LYPD6B: variants seen among roughly 807,000 people sequenced by gnomAD.
LYPD6B encodes ly6/PLAUR domain-containing protein 6B.
A neutral mutation model predicts 22.8 loss-of-function variants in LYPD6B; 17 were observed. The observed-to-expected ratio is 0.75, with a 90% CI of 0.51 to 1.12. The LOEUF is 1.12. Among genes scored for constraint, LYPD6B ranks in the 50% most tolerant of loss-of-function variants. The probability of loss-of-function intolerance (pLI) is 0.00; values close to 1 mark genes in which losing one functional copy is unlikely to be tolerated. For missense variants in LYPD6B, 221 were observed against 258.3 expected, an observed-to-expected ratio of 0.86 and a Z score of 0.99; for synonymous variants, 106 against 91.6, an observed-to-expected ratio of 1.16 and a Z score of -0.90.
At chr2:149,144,925 C>A (rs1163254444) in intron 2 of LYPD6B, among the ~76,000 whole-genome samples, 3 of 152,146 alleles carry the variant, frequency 2.0e-5, no homozygotes, top group African/African-American at 7.2e-5. Flanking sequence ...GTGGTGTCAA[C>A]TGCTCTACTT....
intron 3 of LYPD6B, 33 bp downstream of exon 3, chr2:149,160,868 C>T: frequency 6.7e-7 from 1 of 1,485,050 alleles, no homozygotes; most frequent in Non-Finnish European, 9.2e-7. Flanking sequence ...CAGCCCTCGG[C>T]TTTTCATTTG....
chr2:149,141,337 A>G (rs1378380201), intron 2 of LYPD6B, among the ~76,000 whole-genome samples: 8 of 152,102 alleles, frequency 5.3e-5, no homozygotes, highest in Admixed American at 5.2e-4. Flanking sequence ...TACAGGGGGG[A>G]GAGAAATCAG....
chr2:149,064,117 C>T (rs1305848909), intron 1 of LYPD6B, among the ~76,000 whole-genome samples: 1 of 152,114 alleles, frequency 6.6e-6, no homozygotes, highest in East Asian at 1.9e-4. Flanking sequence ...GTTTTGTAAC[C>T]AGCTTTTCTG....
In LYPD6B at chr2:149,206,330, A is replaced by T. The variant is rs954822501; in HGVS notation, c.229+926A>T. 1.4e-4 allele frequency: 31 copies of T among 215,470 alleles called. 1 individual carries two copies. Among genetic ancestry groups the T allele is most frequent in the Non-Finnish European group, 5.7e-5 (6 of 104,624 alleles). The allele number at this position is 215,470 out of a possible 1,614,324, so 13.3% of individuals were successfully genotyped here. ...ACTCATAAATGAGATCTGTATCATT[A>T]CTGTTCTTTACTTTGTGCTTTATTA... On this transcript the variant is annotated intron_variant, in intron 4 of 6. Transcript: ENST00000409642.
chr2:149,157,265 A>G (rs1689765691), intron 2 of LYPD6B, among the ~76,000 whole-genome samples: 1 of 152,064 alleles, frequency 6.6e-6, no homozygotes, highest in African/African-American at 2.4e-5. Context: ...AAAAAGAACA[A>G]TCTTAACAGT....
chr2:149,137,686 G>A (rs560452471), intron 2 of LYPD6B, among the ~76,000 whole-genome samples: 3 of 152,120 alleles, frequency 2.0e-5, no homozygotes, highest in Admixed American at 6.5e-5. Context: ...TCAAATTTTT[G>A]TTAGTAGACA....
chr2:149,086,191 C>T (rs1316224459), intron 1 of LYPD6B, among the ~76,000 whole-genome samples: 2 of 152,228 alleles, frequency 1.3e-5, no homozygotes, highest in African/African-American at 4.8e-5. Context: ...AATGTGCATT[C>T]ATGCCAGTGT....
intron 1 of LYPD6B, among the ~76,000 whole-genome samples, chr2:149,097,549 C>T (rs78252408): frequency 0.044 from 6,654 of 152,240 alleles, 340 homozygotes; most frequent in African/African-American, 0.13. Flanking sequence ...GAGTCACCTC[C>T]GTTGGGGGCT....
chr2:149,170,947 T>C (rs577013043), intron 3 of LYPD6B, among the ~76,000 whole-genome samples: 12 of 152,196 alleles, frequency 7.9e-5, no homozygotes, highest in Non-Finnish European at 1.6e-4. Flanking sequence ...ATCTTCTTCA[T>C]CTTGAATCCT....
At chr2:149,209,822 A>T (rs531962133) in intron 5 of LYPD6B, among the ~76,000 whole-genome samples, 2 of 152,088 alleles carry the variant, frequency 1.3e-5, no homozygotes, top group East Asian at 3.9e-4. Context: ...GTTCTTTTAC[A>T]TTTCTGTCAA....
chr2:149,144,940 C>T (rs564034395), intron 2 of LYPD6B, among the ~76,000 whole-genome samples: 2 of 152,302 alleles, frequency 1.3e-5, no homozygotes, highest in Admixed American at 6.5e-5. Context: ...CTACTTGTTA[C>T]TGCCCATTGA....
chr2:149,181,487 C>A (rs1691716191), intron 3 of LYPD6B, among the ~76,000 whole-genome samples: 2 of 152,200 alleles, frequency 1.3e-5, no homozygotes, highest in African/African-American at 4.8e-5. Flanking sequence ...CCCCCAGCCA[C>A]TCTCTGCTGG....
chr2:149,086,313 G>A (rs1290184561), intron 1 of LYPD6B, among the ~76,000 whole-genome samples: 1 of 152,208 alleles, frequency 6.6e-6, no homozygotes, highest in East Asian at 1.9e-4. Context: ...AAGGCAAGGA[G>A]AAGAGTGGGC....
At chr2:149,199,049 C>T (rs1326399524) in intron 3 of LYPD6B, among the ~76,000 whole-genome samples, 1 of 152,186 alleles carries the variant, frequency 6.6e-6, no homozygotes, top group African/African-American at 2.4e-5. Context: ...TGAAGCTGAA[C>T]ATTTATGCCA....
At chr2:149,070,201 G>A (rs145306964) in intron 1 of LYPD6B, among the ~76,000 whole-genome samples, 13 of 152,008 alleles carry the variant, frequency 8.6e-5, no homozygotes, top group Middle Eastern at 3.4e-3. Flanking sequence ...TCCCTAACAC[G>A]CCAGCCATGC....
intron 3 of LYPD6B, among the ~76,000 whole-genome samples, chr2:149,198,912 G>A (rs1014750227): frequency 1.3e-5 from 2 of 152,114 alleles, no homozygotes; most frequent in African/African-American, 2.4e-5. Context: ...TATTAGAAGT[G>A]GAAGGGACCT....
chr2:149,065,583 C>T (rs1396936548), intron 1 of LYPD6B, among the ~76,000 whole-genome samples: 1 of 152,216 alleles, frequency 6.6e-6, no homozygotes, highest in African/African-American at 2.4e-5. Flanking sequence ...CTGCATCAAA[C>T]CTGGTTACTC....
chr2:149,041,115 A>AAAAAG (rs1683066008), intron 1 of LYPD6B, among the ~76,000 whole-genome samples: 1 of 148,418 alleles, frequency 6.7e-6, no homozygotes. Context: ...AAAAAAAAAA[A>AAAAAG]AAAGAAAATG....
chr2:149,048,613 A>G (rs1209993262), intron 1 of LYPD6B, among the ~76,000 whole-genome samples: 1 of 152,152 alleles, frequency 6.6e-6, no homozygotes, highest in East Asian at 1.9e-4. Flanking sequence ...GTGCCTCTCT[A>G]GATTTTGGGC....
Sources: gnomAD v4.1 joint callset for allele counts (sites outside exome capture counted in the v4.1 genomes callset) on GRCh38, gnomAD v4.1.1 for gene constraint, MANE v1.5 for transcripts, NCBI Gene and HGNC (gene_info 2026-07-23, HGNC 2026-07-21) for gene names.